The following NEK10 variants were observed in gnomAD, a reference collection of about 807,000 sequenced individuals.
NEK10 encodes the protein NIMA related kinase 10, also known as serine/threonine-protein kinase Nek10.
Under a neutral mutation model 159.8 loss-of-function variants are expected in NEK10, and 122 were observed. That is an observed-to-expected ratio of 0.76 (90% CI 0.66 to 0.89). The LOEUF (loss-of-function observed/expected upper bound fraction) is 0.89, where lower values mean the gene tolerates loss of function less well. NEK10 is among the 40% of genes least tolerant of loss of function. NEK10 has a pLI of 0.00. For missense variants in NEK10, 1,342 were observed against 1,323.1 expected (o/e 1.01, Z -0.22); for synonymous variants, 466 against 457.1 (o/e 1.02, Z -0.25).
At chr3:27,187,300 G>C (rs1948708773) in intron 26 of NEK10, among the ~76,000 whole-genome samples, 1 of 152,190 alleles carries the variant, frequency 6.6e-6, no homozygotes, top group African/African-American at 2.4e-5. Flanking sequence ...ACACGGAGAA[G>C]AGAACCCTTG....
intron 23 of NEK10, among the ~76,000 whole-genome samples, chr3:27,202,940 C>T (rs565700108): frequency 6.6e-6 from 1 of 152,284 alleles, no homozygotes; most frequent in South Asian, 2.1e-4. Flanking sequence ...ATCATCCATT[C>T]CTGCTTTTGG....
chr3:27,207,795 G>T (rs1950650754), intron 23 of NEK10, among the ~76,000 whole-genome samples: 1 of 152,044 alleles, frequency 6.6e-6, no homozygotes, highest in South Asian at 2.1e-4. Flanking sequence ...ACTGAAAAAA[G>T]AACATAAACC....
chr3:27,118,727 C>T (rs1940862876), intron 33 of NEK10, among the ~76,000 whole-genome samples: 1 of 152,190 alleles, frequency 6.6e-6, no homozygotes, highest in Admixed American at 6.5e-5. Context: ...ATAAACTTCC[C>T]TGTCTTGGAA....
At chr3:27,128,276 C>T (rs551632772) in intron 32 of NEK10, among the ~76,000 whole-genome samples, 1 of 152,148 alleles carries the variant, frequency 6.6e-6, no homozygotes, top group East Asian at 1.9e-4. Context: ...TAATCTACAG[C>T]CTTAATCAGA....
chr3:27,133,521 T>G (rs564024785), intron 31 of NEK10, among the ~76,000 whole-genome samples: 69 of 152,344 alleles, frequency 4.5e-4, no homozygotes, highest in African/African-American at 1.7e-3. Flanking sequence ...ATGCCTTTAA[T>G]CCCAGCACTT....
intron 25 of NEK10, among the ~76,000 whole-genome samples, chr3:27,193,034 T>C (rs1299912186): frequency 6.6e-6 from 1 of 152,200 alleles, no homozygotes; most frequent in African/African-American, 2.4e-5. Flanking sequence ...TAAAATGGGA[T>C]AATTATAGTA....
intron 23 of NEK10, chr3:27,255,222 G>T: frequency 2.8e-6 from 1 of 355,326 alleles, no homozygotes; most frequent in Non-Finnish European, 5.7e-6. Flanking sequence ...CTGTTAAGAG[G>T]ATAAGTAGAC....
chr3:27,162,709 G>T lies in NEK10; in HGVS notation c.2861C>A (p.Pro954Gln), dbSNP rs1440580284. Residue 954 changes from proline to glutamine, a missense_variant, in exon 30 of 36, where the codon CCA becomes CAA. Pro to Gln is a moderately conservative substitution (Grantham distance 76). Transcript: ENST00000691995. ...RDFTGGTGSR[P>Q]RPASAGIAVS... ...TACCAACACTAAGTTACCTGGTCTT[G>T]GTCTTGATCCTGTTCCTCCAGTGAA... 1 of 1,614,004 alleles carries T rather than the reference G, an allele frequency of 6.2e-7. No individual in the cohort carries two copies. Among genetic ancestry groups the T allele is most frequent in the Non-Finnish European group, 8.5e-7 (1 of 1,179,958 alleles).
At chr3:27,170,689 C>A (rs1946896341) in intron 29 of NEK10, among the ~76,000 whole-genome samples, 1 of 152,112 alleles carries the variant, frequency 6.6e-6, no homozygotes, top group South Asian at 2.1e-4. Context: ...CACGCCACTG[C>A]ACTCCAGCCT....
At chr3:27,315,944 C>G (rs879617388) in intron 6 of NEK10, among the ~76,000 whole-genome samples, 2 of 149,920 alleles carry the variant, frequency 1.3e-5, no homozygotes, top group Non-Finnish European at 3.0e-5. Context: ...AAAGGAGATT[C>G]CAGCAAAGAG....
intron 13 of NEK10, among the ~76,000 whole-genome samples, chr3:27,300,139 T>C (rs1475703442): frequency 1.3e-5 from 2 of 152,194 alleles, no homozygotes; most frequent in Non-Finnish European, 2.9e-5. Flanking sequence ...TCTTGAATTG[T>C]AACTCCCACA....
chr3:27,278,974 C>A, intron 22 of NEK10: 7 of 960,180 alleles, frequency 7.3e-6, no homozygotes, highest in Non-Finnish European at 8.7e-6. Flanking sequence ...AGAACAAGAC[C>A]TGAACATGTG....
chr3:27,299,504 GC>G (rs1345446617), intron 13 of NEK10, among the ~76,000 whole-genome samples: 1 of 152,206 alleles, frequency 6.6e-6, no homozygotes, highest in African/African-American at 2.4e-5. Context: ...TGGGGTCAGA[GC>G]CCCCACACAG....
intron 9 of NEK10, chr3:27,310,662 T>C (rs1336166911): frequency 3.5e-6 from 1 of 288,800 alleles, no homozygotes; most frequent in East Asian, 6.3e-5. Flanking sequence ...TATTTATACA[T>C]AGCTGGGGCT....
At chr3:27,358,534 G>A (rs920714668) in intron 1 of NEK10, among the ~76,000 whole-genome samples, 22 of 152,230 alleles carry the variant, frequency 1.4e-4, no homozygotes, top group African/African-American at 4.1e-4. Flanking sequence ...TCATTTGCTC[G>A]TGATGTCTTG....
intron 31 of NEK10, 140 bp from the exon 32 acceptor site, chr3:27,132,130 C>T (rs1942692771): frequency 4.7e-6 from 2 of 427,354 alleles, no homozygotes; most frequent in African/African-American, 4.1e-5. Context: ...CTGCAAATAG[C>T]ATGACTAGAT....
intron 26 of NEK10, among the ~76,000 whole-genome samples, chr3:27,187,111 G>C (rs997963721): frequency 6.6e-6 from 1 of 152,190 alleles, no homozygotes; most frequent in African/African-American, 2.4e-5. Flanking sequence ...AAGAGGCCAT[G>C]AGTTACAGAT....
chr3:27,368,666 C>T (rs1328074742), intron 1 of NEK10, among the ~76,000 whole-genome samples: 1 of 152,096 alleles, frequency 6.6e-6, no homozygotes, highest in South Asian at 2.1e-4. Context: ...TTCAGGGTTG[C>T]ACATGTGTGG....
intron 32 of NEK10, among the ~76,000 whole-genome samples, chr3:27,122,962 C>T (rs1337674156): frequency 1.3e-5 from 2 of 152,126 alleles, no homozygotes; most frequent in Non-Finnish European, 2.9e-5. Flanking sequence ...GATCGGCACA[C>T]GGATGAAGGC....
Sources: allele counts gnomAD v4.1 joint callset (sites outside exome capture counted in the v4.1 genomes callset), GRCh38; gene constraint gnomAD v4.1.1; transcripts MANE v1.5; gene names NCBI Gene and HGNC (gene_info 2026-07-23, HGNC 2026-07-21).